The following AKAP7 variants were observed in gnomAD, a reference collection of about 807,000 sequenced individuals.
The protein encoded by AKAP7 is A-kinase anchoring protein 7.
Under a neutral mutation model 39.5 loss-of-function variants are expected in AKAP7, and 39 were observed. That is an observed-to-expected ratio of 0.99 (90% CI 0.76 to 1.29). The LOEUF (loss-of-function observed/expected upper bound fraction) is 1.29. Among genes scored for constraint, AKAP7 ranks in the 50% most tolerant of loss-of-function variants. The probability of loss-of-function intolerance (pLI) is 0.00; values close to 1 mark genes in which losing one functional copy is unlikely to be tolerated. For missense variants in AKAP7, 414 were observed against 407.7 expected, an observed-to-expected ratio of 1.02 and a Z score of -0.13; for synonymous variants, 140 against 139.1, an observed-to-expected ratio of 1.01 and a Z score of -0.05.
chr6:131,135,941 GGTGCAACCGGGGTGTACATCA>G (rs1800499456), intron 1 of AKAP7, among the ~76,000 whole-genome samples, 159 bp downstream of exon 1: 2 of 152,134 alleles, frequency 1.3e-5, no homozygotes, highest in African/African-American at 4.8e-5. Context: ...CGAGAAGCCC[GGTGCAACCGGGGTGTACATCA>G]GTGCTGCCTG....
At chr6:131,269,893 G>A (rs1814129097) in intron 7 of AKAP7, among the ~76,000 whole-genome samples, 1 of 152,172 alleles carries the variant, frequency 6.6e-6, no homozygotes, top group African/African-American at 2.4e-5. Context: ...GCCTGCAGCT[G>A]TGAGAGATTA....
intron 7 of AKAP7, among the ~76,000 whole-genome samples, chr6:131,224,563 A>G (rs565392656): frequency 1.2e-3 from 177 of 152,068 alleles, no homozygotes; most frequent in African/African-American, 3.8e-3. Flanking sequence ...TTTAGCCCTC[A>G]TTAGATTTGC....
At chr6:131,150,493 T>G (rs983217614) in intron 2 of AKAP7, among the ~76,000 whole-genome samples, 1 of 152,222 alleles carries the variant, frequency 6.6e-6, no homozygotes, top group Admixed American at 6.5e-5. Context: ...AATTGTTTTC[T>G]GCATCCTCTA....
intron 6 of AKAP7, among the ~76,000 whole-genome samples, chr6:131,218,511 C>T (rs1168958451): frequency 6.6e-6 from 1 of 152,020 alleles, no homozygotes; most frequent in Non-Finnish European, 1.5e-5. Context: ...AATATTTTTG[C>T]TTTTATAAAT....
Position 131,281,827 on chromosome 6 carries a change from C to G in AKAP7, c.*101C>G. ...AGCGTGCTGTTTAAGTTAAGTTTCT[C>G]TGGTGCAATCTGTGAAGATTGCCTA... On this transcript the variant is annotated 3_prime_UTR_variant, in exon 8 of 8. Coordinates refer to ENST00000431975, the MANE Select transcript of AKAP7 (RefSeq NM_016377.4). The surrounding 1 kb of genome is among the most constrained non-coding windows in gnomAD (Gnocchi z 4.0). 5 of 1,347,020 alleles carry G rather than the reference C, an allele frequency of 3.7e-6. No homozygotes were observed. The highest frequency in any genetic ancestry group is 4.8e-6 in the Non-Finnish European group (5 of 1,043,776). 83.4% of individuals were successfully genotyped at this position (1,347,020 alleles called of 1,614,324 possible).
rs1803093098 is a variant in AKAP7 at position 131,162,671 on chromosome 6, T to A, written c.292-2410T>A. On this transcript the variant is annotated intron_variant, in intron 3 of 7. Transcript: ENST00000431975. ...TCTCTCCTTCAGCCCTTGCTTTTTC[T>A]GCCCGAGCTCTTCTACCCTTCCTTG... Among the ~76,000 whole-genome samples the A allele has an allele frequency of 2.0e-5, 3 of 152,238 alleles. No homozygotes were observed. The South Asian group carries it at 6.2e-4, about 31-fold the overall frequency.
chr6:131,160,603 A>G (rs913057792), intron 3 of AKAP7, among the ~76,000 whole-genome samples: 1 of 152,180 alleles, frequency 6.6e-6, no homozygotes, highest in Non-Finnish European at 1.5e-5. Context: ...GTGTTTGTTC[A>G]TTTTATCTGA....
rs987628638 is a variant in AKAP7, at chr6:131,171,186, C to T, written c.589+1913C>T. Among the ~76,000 whole-genome samples, 4 of 152,190 alleles carry T rather than the reference C, an allele frequency of 2.6e-5. No homozygotes were observed. The South Asian group carries it at 6.2e-4, about 24-fold the overall frequency. The stretch of plus-strand genomic sequence containing the variant: ...AACTGGAAAAAAAAAAGATCCTTTT[C>T]CTTTAAGGAGCATATAGCCTTGTGC... On this transcript the variant is annotated intron_variant, in intron 5 of 7. Coordinates refer to ENST00000431975, the MANE Select transcript of AKAP7 (RefSeq NM_016377.4).
chr6:131,224,321 C>T (rs1356952875), intron 7 of AKAP7, among the ~76,000 whole-genome samples: 3 of 152,076 alleles, frequency 2.0e-5, no homozygotes, highest in African/African-American at 7.2e-5. Context: ...AATTGGCCTA[C>T]CTTGGTTTGG....
At chr6:131,203,126 G>C (rs531713430) in intron 6 of AKAP7, among the ~76,000 whole-genome samples, 1 of 152,126 alleles carries the variant, frequency 6.6e-6, no homozygotes, top group East Asian at 1.9e-4. Flanking sequence ...CAAATCTACT[G>C]TAAAGGTTAA....
intron 5 of AKAP7, among the ~76,000 whole-genome samples, chr6:131,183,843 G>T (rs765422506): frequency 6.6e-6 from 1 of 152,130 alleles, no homozygotes; most frequent in African/African-American, 2.4e-5. Context: ...TGACACAGGG[G>T]CATGGAAAGC....
intron 7 of AKAP7, among the ~76,000 whole-genome samples, chr6:131,220,949 C>G (rs79115378): frequency 2.6e-5 from 4 of 151,812 alleles, no homozygotes; most frequent in Non-Finnish European, 1.5e-5. Context: ...TGTGAAGAGT[C>G]GTACATCTCT....
At position 131,160,918 on chromosome 6, in the gene AKAP7, A is replaced by G. The variant is rs578134074; in HGVS notation, c.291+720A>G. On this transcript the variant is annotated intron_variant, in intron 3 of 7. Transcript: ENST00000431975. ...TACTGCATCTCATTACAACCACTGAAGCGGTGAGGTAGGAATTAAAATCCC... is the reference window on the plus strand; with the variant it reads ...TACTGCATCTCATTACAACCACTGAGGCGGTGAGGTAGGAATTAAAATCCC... Among the ~76,000 whole-genome samples the G allele has an allele frequency of 5.6e-4, 86 of 152,316 alleles. No individual in the cohort carries two copies. The East Asian group carries it at 0.011, about 19-fold the overall frequency.
At chr6:131,267,492 A>G (rs1454672034) in intron 7 of AKAP7, among the ~76,000 whole-genome samples, 1 of 152,184 alleles carries the variant, frequency 6.6e-6, no homozygotes, top group Non-Finnish European at 1.5e-5. Flanking sequence ...CAATTTGATC[A>G]TAGTAGGTGC....
At chr6:131,223,793 T>C (rs1809914134) in intron 7 of AKAP7, among the ~76,000 whole-genome samples, 1 of 152,202 alleles carries the variant, frequency 6.6e-6, no homozygotes, top group African/African-American at 2.4e-5. Flanking sequence ...GCTGAAAATA[T>C]TACAGGACTG....
intron 5 of AKAP7, chr6:131,184,444 C>T (rs1585036239): frequency 1.7e-5 from 11 of 658,940 alleles, no homozygotes; most frequent in Middle Eastern, 3.6e-4. Flanking sequence ...CAGTACATTT[C>T]GTAGCCATGA....
chr6:131,183,235 A>G (rs533321551), intron 5 of AKAP7, among the ~76,000 whole-genome samples: 36 of 152,300 alleles, frequency 2.4e-4, no homozygotes, highest in African/African-American at 6.5e-4. Flanking sequence ...GCTGGCATGC[A>G]CTGGCCCCCC....
At chr6:131,182,987 A>C (rs918133514) in intron 5 of AKAP7, among the ~76,000 whole-genome samples, 9 of 152,196 alleles carry the variant, frequency 5.9e-5, no homozygotes, top group Admixed American at 2.0e-4. Flanking sequence ...TTGGGGGAAA[A>C]AAAGCTGTAT....
At chr6:131,181,399 G>A (rs1034900446) in intron 5 of AKAP7, among the ~76,000 whole-genome samples, 5 of 152,186 alleles carry the variant, frequency 3.3e-5, no homozygotes, top group East Asian at 3.9e-4. Flanking sequence ...ACTCCCATTC[G>A]TTCCCTACTT....
Sources: allele counts gnomAD v4.1 joint callset (sites outside exome capture counted in the v4.1 genomes callset), GRCh38; gene constraint gnomAD v4.1.1; non-coding constraint Gnocchi (gnomAD v3.1); transcripts MANE v1.5; gene names NCBI Gene and HGNC (gene_info 2026-07-23, HGNC 2026-07-21).